ST8SIA5: variants seen among roughly 807,000 people sequenced by gnomAD.
ST8SIA5 encodes alpha-2,8-sialyltransferase 8E.
In ST8SIA5, 24 loss-of-function variants were observed where a neutral mutation model predicts 40.2. That is an observed-to-expected ratio of 0.60 (90% confidence interval 0.43 to 0.84). The LOEUF is 0.84. Among genes scored for constraint, ST8SIA5 ranks in the 40% least tolerant of loss-of-function variants. The probability of loss-of-function intolerance (pLI) is 0.00; values close to 1 mark genes in which losing one functional copy is unlikely to be tolerated. For synonymous variants in ST8SIA5, 198 were observed against 201.8 expected (o/e 0.98, Z 0.16); for missense variants, 465 against 498.5 (o/e 0.93, Z 0.64).
At chr18:46,719,627 C>T (rs951115371) in intron 1 of ST8SIA5, among the ~76,000 whole-genome samples, 5 of 139,618 alleles carry the variant, frequency 3.6e-5, no homozygotes, top group African/African-American at 7.9e-5. Context: ...CCCAGGGGCC[C>T]GTCGGTCCGC....
chr18:46,703,113 G>A (rs2039634286), intron 2 of ST8SIA5, among the ~76,000 whole-genome samples: 1 of 152,220 alleles, frequency 6.6e-6, no homozygotes, highest in South Asian at 2.1e-4. Context: ...TGAGCATGAA[G>A]GCTGCTGGGC....
At chr18:46,682,782 G>C (rs182148502) in intron 5 of ST8SIA5, among the ~76,000 whole-genome samples, 79 of 152,342 alleles carry the variant, frequency 5.2e-4, no homozygotes, top group Admixed American at 1.3e-3. Context: ...ACCAGGGAGA[G>C]AGAAGAAAGT....
intron 2 of ST8SIA5, among the ~76,000 whole-genome samples, chr18:46,693,300 C>T (rs764746725): frequency 2.0e-5 from 3 of 152,118 alleles, no homozygotes; most frequent in African/African-American, 4.8e-5. Context: ...CATCAAACAC[C>T]CACACAGTTC....
At chr18:46,721,179 C>T (rs532132390) in intron 1 of ST8SIA5, among the ~76,000 whole-genome samples, 10 of 152,286 alleles carry the variant, frequency 6.6e-5, no homozygotes, top group African/African-American at 2.2e-4. Context: ...CTATGCCTCA[C>T]CCTTCAAATT....
At position 46,704,617 on chromosome 18, in the gene ST8SIA5, C is replaced by A. The variant is rs765662196; in HGVS notation, c.179G>T (p.Cys60Phe). ...EGPFEYNSTR[C>F]LELRHEILEV... is the part of the protein sequence containing the mutation. ...CAATATTTCGTGCCTCAGCTCCAGG[C>A]ATCTTGTGGAGTTATATTCAAAAGG... Residue 60 changes from cysteine to phenylalanine, a missense_variant, in exon 2 of 7, where the codon TGC becomes TTC. By Grantham distance (205) the Cys-to-Phe change is radical. Coordinates refer to ENST00000315087, the MANE Select transcript of ST8SIA5 (RefSeq NM_013305.6). 4 of 1,614,136 alleles carry A rather than the reference C, an allele frequency of 2.5e-6. No individual in the cohort carries two copies. Among genetic ancestry groups the A allele is most frequent in the Non-Finnish European group, 3.4e-6 (4 of 1,180,032 alleles).
At chr18:46,720,828 T>A (rs147373500) in intron 1 of ST8SIA5, among the ~76,000 whole-genome samples, 19 of 152,138 alleles carry the variant, frequency 1.2e-4, no homozygotes, top group African/African-American at 4.3e-4. Context: ...CAAATATTAC[T>A]GATCAAGAGG....
chr18:46,683,947 T>C (rs973197182), intron 5 of ST8SIA5, among the ~76,000 whole-genome samples: 3 of 152,186 alleles, frequency 2.0e-5, no homozygotes, highest in East Asian at 1.9e-4. Context: ...AGGACGGGCC[T>C]GTCTGACTCC....
chr18:46,696,211 A>T (rs2039555762), intron 2 of ST8SIA5, among the ~76,000 whole-genome samples: 1 of 152,132 alleles, frequency 6.6e-6, no homozygotes, highest in South Asian at 2.1e-4. Flanking sequence ...GACAGAAGGC[A>T]AACCTTCCTT....
chr18:46,713,087 T>C (rs2039749631), intron 1 of ST8SIA5, among the ~76,000 whole-genome samples: 2 of 152,080 alleles, frequency 1.3e-5, no homozygotes, highest in African/African-American at 4.8e-5. Context: ...CCCAGTATCA[T>C]GGGGACTCGG....
At chr18:46,706,677 T>G (rs1019376077) in intron 1 of ST8SIA5, among the ~76,000 whole-genome samples, 2 of 152,196 alleles carry the variant, frequency 1.3e-5, no homozygotes, top group Non-Finnish European at 2.9e-5. Context: ...AAATGACATT[T>G]CCCAGACTCC....
intron 1 of ST8SIA5, among the ~76,000 whole-genome samples, chr18:46,742,689 G>C (rs950588514): frequency 1.3e-5 from 2 of 152,228 alleles, no homozygotes; most frequent in Admixed American, 6.5e-5. Flanking sequence ...GTCCCTGTCT[G>C]ACAGCTCTGA....
At chr18:46,747,166 A>T (rs1357809405) in intron 1 of ST8SIA5, among the ~76,000 whole-genome samples, 1 of 152,228 alleles carries the variant, frequency 6.6e-6, no homozygotes. Flanking sequence ...CTGGGCAAGG[A>T]CTTCATGACT....
chr18:46,693,029 C>A (rs1304885234), intron 2 of ST8SIA5, among the ~76,000 whole-genome samples: 1 of 152,086 alleles, frequency 6.6e-6, no homozygotes, highest in Non-Finnish European at 1.5e-5. Flanking sequence ...AATAGTCTCA[C>A]CCACACTTTC....
chr18:46,726,000 T>TCCTGG (rs147970713), intron 1 of ST8SIA5, among the ~76,000 whole-genome samples: 7 of 70,784 alleles, frequency 9.9e-5, no homozygotes, highest in African/African-American at 3.6e-4. Context: ...TATATATATA[T>TCCTGG]ATATATATAT....
chr18:46,694,750 A>G (rs1488656503), intron 2 of ST8SIA5, among the ~76,000 whole-genome samples: 1 of 152,086 alleles, frequency 6.6e-6, no homozygotes, highest in Non-Finnish European at 1.5e-5. Flanking sequence ...ATTTTGTTAT[A>G]GGCAAAATCC....
chr18:46,720,283 T>C (rs185764627), intron 1 of ST8SIA5, among the ~76,000 whole-genome samples: 198 of 152,256 alleles, frequency 1.3e-3, no homozygotes, highest in African/African-American at 4.4e-3. Context: ...GAGGCTCAGC[T>C]TCCCAGGACA....
chr18:46,708,436 G>C (rs1299707039), intron 1 of ST8SIA5, among the ~76,000 whole-genome samples: 2 of 152,148 alleles, frequency 1.3e-5, no homozygotes, highest in Non-Finnish European at 2.9e-5. Flanking sequence ...TTTGACACCT[G>C]GGGCCTTGCT....
In ST8SIA5 at chr18:46,680,052, C is replaced by A. The variant is rs1328816481; in HGVS notation, c.1121G>T (p.Ser374Ile). ...GILRVHTGTCSCC is the reference protein window; with the variant it reads ...GILRVHTGTCICC ...CCTGGCTGGCAGCCATCAGCAGCAGCTGCAGGTGCCCGTGTGCACGCGGAG... is the reference window on the plus strand; with the variant it reads ...CCTGGCTGGCAGCCATCAGCAGCAGATGCAGGTGCCCGTGTGCACGCGGAG... Residue 374 changes from serine (S) to isoleucine (I), a missense_variant, in exon 7 of 7, where the codon AGC becomes ATC. Transcript: ENST00000315087. The A allele has an allele frequency of 6.2e-7, 1 of 1,602,518 alleles. No homozygotes were observed.
intron 1 of ST8SIA5, among the ~76,000 whole-genome samples, chr18:46,710,530 C>T (rs1750784780): frequency 1.4e-5 from 2 of 141,886 alleles, no homozygotes; most frequent in South Asian, 2.3e-4. Context: ...TCCTTTCTTC[C>T]TTTCTTTCTT....
Sources: gnomAD v4.1 joint callset for allele counts (sites outside exome capture counted in the v4.1 genomes callset) on GRCh38, gnomAD v4.1.1 for gene constraint, MANE v1.5 for transcripts, NCBI Gene and HGNC (gene_info 2026-07-23, HGNC 2026-07-21) for gene names.